The following MAL2 variants were observed in gnomAD, a reference collection of about 807,000 sequenced individuals.
The protein encoded by MAL2 is mal, T cell differentiation protein 2.
Under a neutral mutation model 18.1 loss-of-function variants are expected in MAL2, and 17 were observed. The observed-to-expected ratio is 0.94, with a 90% CI of 0.64 to 1.41. MAL2 has a LOEUF of 1.41. MAL2 is among the 40% of genes most tolerant of loss of function. MAL2 has a pLI of 0.00. For missense variants in MAL2, 222 were observed against 231.9 expected (o/e 0.96, Z 0.28); for synonymous variants, 102 against 102.3 (o/e 1.00, Z 0.02).
At chr8:119,232,093 GTTTTATATATTT>G (rs1259078622) in intron 2 of MAL2, among the ~76,000 whole-genome samples, 5 of 147,974 alleles carry the variant, frequency 3.4e-5, no homozygotes, top group Middle Eastern at 3.2e-3. Context: ...ATTTTGGGAG[GTTTTATATATTT>G]TTTTATATAT....
intron 2 of MAL2, among the ~76,000 whole-genome samples, chr8:119,235,337 A>G (rs1051073816): frequency 6.6e-5 from 10 of 152,310 alleles, no homozygotes; most frequent in African/African-American, 2.2e-4. Context: ...GGGTACCTGA[A>G]AGTGATGGGG....
intron 2 of MAL2, among the ~76,000 whole-genome samples, chr8:119,234,342 A>C (rs981726667): frequency 6.6e-6 from 1 of 152,180 alleles, no homozygotes; most frequent in African/African-American, 2.4e-5. Context: ...CTAGCACAGC[A>C]GTCTGAGATC....
In MAL2 at chr8:119,208,476, T is replaced by A; in HGVS notation, c.4T>A (p.Ser2Thr). 1 of 1,264,078 alleles carries A rather than the reference T, an allele frequency of 7.9e-7. No individual in the cohort carries two copies. The highest frequency in any genetic ancestry group is 1.0e-6 in the Non-Finnish European group (1 of 1,004,212). The allele number at this position is 1,264,078 out of a possible 1,614,324, so 78.3% of individuals were successfully genotyped here. A position where few individuals can be genotyped will look rare whatever the true frequency, so the allele number is the denominator to read the frequency against. The change falls in exon 1 of 4, where the codon TCG becomes ACG. Residue 2 changes from serine to threonine, a missense_variant. Ser to Thr is a moderately conservative substitution (Grantham distance 58). Transcript: ENST00000614891. The surrounding 1 kb of genome is among the most constrained non-coding windows in gnomAD (Gnocchi z 4.3). Reference protein sequence around the residue: MSAGGASVPPPP... With the variant: MTAGGASVPPPP... ...ACGCAGCAGCGGCAGCGGCAGCATGTCGGCCGGCGGAGCGTCAGTCCCGCC... is the reference window on the plus strand; with the variant it reads ...ACGCAGCAGCGGCAGCGGCAGCATGACGGCCGGCGGAGCGTCAGTCCCGCC...
In MAL2 at chr8:119,211,696, ATT is replaced by A. The variant is rs370258084; in HGVS notation, c.132+3110_132+3111del. Among the ~76,000 whole-genome samples the A allele has an allele frequency of 9.6e-3, 1,307 of 135,540 alleles. 17 individuals are homozygous for A. Among genetic ancestry groups the A allele is most frequent in the African/African-American group, 0.033 (1,230 of 37,050 alleles). The allele number at this position is 135,540 out of a possible 152,430, so 88.9% of individuals were successfully genotyped here. A position where few individuals can be genotyped will look rare whatever the true frequency, so the allele number is the denominator to read the frequency against. On this transcript the variant is annotated intron_variant, in intron 1 of 3. Coordinates refer to ENST00000614891, the MANE Select transcript of MAL2 (RefSeq NM_052886.3). ...ATATTACAATCTCACGTGCATAGTG[ATT>A]TTTTTTTTTTTTTTTTTGAGATAGG...
intron 2 of MAL2, among the ~76,000 whole-genome samples, chr8:119,229,801 C>T (rs1214081269): frequency 1.3e-5 from 2 of 152,164 alleles, no homozygotes; most frequent in African/African-American, 2.4e-5. Flanking sequence ...AAAAACAAAG[C>T]TCAGGGTTTT....
Position 119,245,638 on chromosome 8 carries a change from A to G in MAL2, c.*2150A>G, listed in dbSNP as rs937247418. 1 of 151,868 alleles carries G rather than the reference A, an allele frequency of 6.6e-6. No homozygotes were observed. Among genetic ancestry groups the G allele is most frequent in the African/African-American group, 2.4e-5 (1 of 41,054 alleles). 9.4% of individuals were successfully genotyped at this position (151,868 alleles called of 1,614,324 possible). On this transcript the variant is annotated 3_prime_UTR_variant, in exon 4 of 4. Coordinates refer to ENST00000614891, the MANE Select transcript of MAL2 (RefSeq NM_052886.3). Reference sequence around the variant, plus strand: ...CATGATGAAAAGAAATTTATTTTATACGTGTTATGTCTCTAATAAAGTATT... The same window carrying G: ...CATGATGAAAAGAAATTTATTTTATGCGTGTTATGTCTCTAATAAAGTATT...
At chr8:119,235,553 G>A (rs944908730) in intron 2 of MAL2, among the ~76,000 whole-genome samples, 40 of 147,928 alleles carry the variant, frequency 2.7e-4, no homozygotes, top group Non-Finnish European at 5.3e-4. Flanking sequence ...AGAGAGAAAG[G>A]TCGGGTTACC....
intron 1 of MAL2, among the ~76,000 whole-genome samples, chr8:119,214,061 C>T (rs536700358): frequency 6.6e-5 from 10 of 152,252 alleles, no homozygotes; most frequent in East Asian, 1.9e-4. Context: ...AAATGTTGTA[C>T]GTGGTGGTAG....
chr8:119,208,422 G>A lies in MAL2; in HGVS notation c.-51G>A. 2.8e-6 allele frequency: 3 copies of A among 1,053,606 alleles called. No individual in the cohort carries two copies. Among genetic ancestry groups the A allele is most frequent in the Admixed American group, 5.2e-5 (1 of 19,344 alleles). 65.3% of individuals were successfully genotyped at this position (1,053,606 alleles called of 1,614,324 possible). ...GGCGGCGGCAGGAGCCCGGGAGGCG[G>A]AGGCGGGAGGCGGCGGCGGCGCGCG... On this transcript the variant is annotated 5_prime_UTR_variant, in exon 1 of 4. Transcript: ENST00000614891. The surrounding 1 kb of genome is among the most constrained non-coding windows in gnomAD (Gnocchi z 4.3).
chr8:119,235,726 T>C (rs1372905423), intron 2 of MAL2, among the ~76,000 whole-genome samples: 1 of 149,702 alleles, frequency 6.7e-6, no homozygotes, highest in Non-Finnish European at 1.5e-5. Flanking sequence ...TAAAATACTT[T>C]ACAGACAAGC....
At position 119,243,568 on chromosome 8, in the gene MAL2, C is replaced by G. The variant is rs573445369; in HGVS notation, c.*80C>G. The stretch of plus-strand genomic sequence containing the variant: ...CTGATCAATTTGGATACCATTTTGT[C>G]CAGATGCAAAAACATTCCAAAAGTA... On this transcript the variant is annotated 3_prime_UTR_variant, in exon 4 of 4. Coordinates refer to ENST00000614891, the MANE Select transcript of MAL2 (RefSeq NM_052886.3). The G allele has an allele frequency of 3.2e-5, 41 of 1,286,024 alleles. No homozygotes were observed. Among genetic ancestry groups the G allele is most frequent in the South Asian group, 8.0e-5 (5 of 62,670 alleles). 79.7% of individuals were successfully genotyped at this position (1,286,024 alleles called of 1,614,324 possible). A position where few individuals can be genotyped will look rare whatever the true frequency, so the allele number is the denominator to read the frequency against.
At chr8:119,233,140 G>A (rs561561544) in intron 2 of MAL2, among the ~76,000 whole-genome samples, 4 of 152,226 alleles carry the variant, frequency 2.6e-5, no homozygotes, top group Admixed American at 6.5e-5. Flanking sequence ...CAAAGACACA[G>A]CATACCAGAA....
chr8:119,239,395 T>A (rs534440301), intron 2 of MAL2, among the ~76,000 whole-genome samples: 3 of 151,818 alleles, frequency 2.0e-5, no homozygotes, highest in Non-Finnish European at 4.4e-5. Context: ...GAACTAGAAA[T>A]ACCATTTGAC....
intron 2 of MAL2, among the ~76,000 whole-genome samples, chr8:119,238,134 T>C (rs199735113): frequency 1.3e-5 from 2 of 152,292 alleles, no homozygotes; most frequent in South Asian, 2.1e-4. Context: ...CATTCTTATA[T>C]ACCAATAACA....
At chr8:119,240,969 T>A (rs114642371) in intron 3 of MAL2, among the ~76,000 whole-genome samples, 2,084 of 152,300 alleles carry the variant, frequency 0.014, 48 homozygotes, top group African/African-American at 0.048. Flanking sequence ...ATTATTTTTG[T>A]TGTTAGAGAT....
At chr8:119,243,319 G>A in intron 3 of MAL2, 98 bp from the exon 4 acceptor site, 1 of 748,556 alleles carries the variant, frequency 1.3e-6, no homozygotes, top group Non-Finnish European at 2.0e-6. Flanking sequence ...GTATCTTTAG[G>A]TAGATTGTTG....
intron 2 of MAL2, among the ~76,000 whole-genome samples, chr8:119,235,682 C>A: frequency 6.6e-6 from 1 of 151,446 alleles, no homozygotes; most frequent in African/African-American, 2.5e-5. Flanking sequence ...AATTTCATAT[C>A]CAGCCAAACT....
At position 119,240,232 on chromosome 8, in the gene MAL2, C is replaced by G. The variant is rs1374703469; in HGVS notation, c.371C>G (p.Thr124Arg). ...FGAFLLEAAA[T>R]SLHDLHCNTT... The stretch of plus-strand genomic sequence containing the variant: ...GCCTTTTTATTGGAAGCAGCAGCCA[C>G]ATCCCTGCATGATTTGCATTGCAAT... The change falls in exon 3 of 4, where the codon ACA becomes AGA. Residue 124 changes from threonine (T) to arginine (R), a missense_variant. Transcript: ENST00000614891. 1 of 1,613,808 alleles carries G rather than the reference C, an allele frequency of 6.2e-7. No individual in the cohort carries two copies. The highest frequency in any genetic ancestry group is 1.1e-5 in the South Asian group (1 of 91,070).
intron 2 of MAL2, among the ~76,000 whole-genome samples, chr8:119,225,732 A>G (rs1817580037): frequency 6.6e-6 from 1 of 152,152 alleles, no homozygotes; most frequent in African/African-American, 2.4e-5. Flanking sequence ...TTACATTCCC[A>G]CCAACAGTGT....
Sources: gnomAD v4.1 joint callset for allele counts (sites outside exome capture counted in the v4.1 genomes callset) on GRCh38, gnomAD v4.1.1 for gene constraint, Gnocchi (gnomAD v3.1) non-coding constraint, MANE v1.5 for transcripts, NCBI Gene and HGNC (gene_info 2026-07-23, HGNC 2026-07-21) for gene names.